Variants in DIP2B observed in about 807,000 individuals in gnomAD.
The protein encoded by DIP2B is DIP2 acetate--CoA ligase B (putative).
In DIP2B, 76 loss-of-function variants were observed where a neutral mutation model predicts 198.0. The ratio of observed to expected loss-of-function variants is 0.38; its 90% confidence interval spans 0.32 to 0.46. DIP2B has a LOEUF of 0.46. Ranked by LOEUF, DIP2B falls within the 20% of genes least tolerant of loss-of-function variation. DIP2B has a pLI of 0.99. For synonymous variants in DIP2B, 701 were observed against 739.1 expected (o/e 0.95, Z 0.84); for missense variants, 1,559 against 1,978.4 (o/e 0.79, Z 4.02).
At chr12:50,568,729 G>A (rs1041348176) in intron 1 of DIP2B, among the ~76,000 whole-genome samples, 12 of 152,140 alleles carry the variant, frequency 7.9e-5, no homozygotes, top group Non-Finnish European at 2.9e-5. Flanking sequence ...TGAGAGTGTT[G>A]TAATCTGGGA....
intron 1 of DIP2B, among the ~76,000 whole-genome samples, chr12:50,588,201 G>T (rs900294878): frequency 5.9e-5 from 9 of 151,718 alleles, no homozygotes; most frequent in Non-Finnish European, 1.0e-4. Context: ...GCCCAGGGTG[G>T]AGTGCAGTGG....
At chr12:50,616,713 T>G (rs1937706797) in intron 1 of DIP2B, among the ~76,000 whole-genome samples, 1 of 152,228 alleles carries the variant, frequency 6.6e-6, no homozygotes, top group Non-Finnish European at 1.5e-5. Context: ...ATTTTGTATG[T>G]TTGTGAGCCT....
chr12:50,505,273 GC>G, intron 1 of DIP2B, 33 bp downstream of exon 1: 2 of 1,441,644 alleles, frequency 1.4e-6, no homozygotes, highest in Non-Finnish European at 1.8e-6. Context: ...GGCGCCCGGG[GC>G]CCTGCGGATC....
chr12:50,509,587 C>T (rs1957996736), intron 1 of DIP2B, among the ~76,000 whole-genome samples: 1 of 152,198 alleles, frequency 6.6e-6, no homozygotes, highest in Non-Finnish European at 1.5e-5. Flanking sequence ...TAAAGCATGG[C>T]ACAGGGTCTG....
intron 1 of DIP2B, among the ~76,000 whole-genome samples, chr12:50,509,316 A>G (rs1361719259): frequency 6.6e-6 from 1 of 152,222 alleles, no homozygotes; most frequent in East Asian, 1.9e-4. Flanking sequence ...AGAGCGGGCT[A>G]TAATTTAGCC....
At chr12:50,633,807 G>C (rs1020238998) in intron 2 of DIP2B, among the ~76,000 whole-genome samples, 1 of 152,130 alleles carries the variant, frequency 6.6e-6, no homozygotes, top group South Asian at 2.1e-4. Flanking sequence ...GCATCATAGG[G>C]ATTAGGTTCT....
At chr12:50,714,350 T>A in intron 22 of DIP2B, 45 bp from the exon 23 acceptor site, 2 of 1,607,576 alleles carry the variant, frequency 1.2e-6, no homozygotes, top group Non-Finnish European at 1.7e-6. Context: ...ATGTCAAATG[T>A]AATAGAAGTG....
At chr12:50,554,139 A>G (rs758293111) in intron 1 of DIP2B, among the ~76,000 whole-genome samples, 4 of 151,960 alleles carry the variant, frequency 2.6e-5, no homozygotes, top group Non-Finnish European at 5.9e-5. Context: ...TTACTTCCTT[A>G]ACTGATTCTT....
At chr12:50,571,676 C>G (rs1441314138) in intron 1 of DIP2B, among the ~76,000 whole-genome samples, 1 of 151,060 alleles carries the variant, frequency 6.6e-6, no homozygotes, top group Admixed American at 6.6e-5. Flanking sequence ...TCTCAGCCTC[C>G]CAAGTAACTG....
At chr12:50,612,047 T>C (rs944199598) in intron 1 of DIP2B, among the ~76,000 whole-genome samples, 6 of 145,802 alleles carry the variant, frequency 4.1e-5, no homozygotes. Context: ...CCAGGGGAGG[T>C]GGCTCACATG....
intron 1 of DIP2B, among the ~76,000 whole-genome samples, chr12:50,509,023 T>C (rs1282591952): frequency 2.0e-5 from 3 of 152,186 alleles, no homozygotes; most frequent in Admixed American, 2.0e-4. Context: ...TACCACAGTG[T>C]TGATTCTCTC....
intron 1 of DIP2B, among the ~76,000 whole-genome samples, chr12:50,606,571 A>G (rs766319399): frequency 1.3e-5 from 2 of 152,194 alleles, no homozygotes; most frequent in Non-Finnish European, 2.9e-5. Flanking sequence ...CTCACCTTCA[A>G]AGGAGGTGGT....
chr12:50,701,954 A>G (rs1939424999), intron 19 of DIP2B, among the ~76,000 whole-genome samples: 1 of 152,116 alleles, frequency 6.6e-6, no homozygotes, highest in African/African-American at 2.4e-5. Flanking sequence ...TTTATATAAA[A>G]AATAAATTTT....
intron 1 of DIP2B, among the ~76,000 whole-genome samples, chr12:50,572,791 T>C (rs1186223782): frequency 6.6e-6 from 1 of 152,328 alleles, no homozygotes; most frequent in South Asian, 2.1e-4. Context: ...AACATTTTGG[T>C]GTCTCAGTGC....
intron 1 of DIP2B, among the ~76,000 whole-genome samples, chr12:50,521,804 C>G (rs1412707511): frequency 6.6e-6 from 1 of 151,860 alleles, no homozygotes; most frequent in Non-Finnish European, 1.5e-5. Flanking sequence ...GTCACTGTGC[C>G]TGGCTTAATT....
chr12:50,639,666 G>A (rs1236008178), intron 2 of DIP2B, among the ~76,000 whole-genome samples: 2 of 151,516 alleles, frequency 1.3e-5, no homozygotes, highest in Non-Finnish European at 2.9e-5. Flanking sequence ...CATTTGCTGT[G>A]TAGGTGACAT....
At chr12:50,556,609 A>G (rs1304594412) in intron 1 of DIP2B, among the ~76,000 whole-genome samples, 4 of 149,428 alleles carry the variant, frequency 2.7e-5, no homozygotes, top group African/African-American at 4.9e-5. Context: ...GCTGGAGTGC[A>G]GTGGCTCACT....
At chr12:50,561,184 GAATATTTA>G (rs1430687197) in intron 1 of DIP2B, among the ~76,000 whole-genome samples, 1 of 152,142 alleles carries the variant, frequency 6.6e-6, no homozygotes, top group Non-Finnish European at 1.5e-5. Context: ...AGCCAAGGGT[GAATATTTA>G]AGTTTTATTT....
rs753302375 is a variant in DIP2B at position 50,721,284 on chromosome 12, A to G, written c.3054A>G (p.Val1018=). 7 of 1,613,956 alleles carry G rather than the reference A, an allele frequency of 4.3e-6. No individual in the cohort carries two copies. Among genetic ancestry groups the G allele is most frequent in the Non-Finnish European group, 5.9e-6 (7 of 1,179,968 alleles). Residue 1018 remains valine (V), a synonymous_variant, in exon 26 of 38, where the codon GTA becomes GTG. Transcript: ENST00000301180. ...FMLLNAKGTT[V]CTASCLQLHK... ...TCTGTTGTTTAAAGGGAACCACTGT[A>G]TGCACAGCCAGCTGCCTTCAGCTTC...
Sources: gnomAD v4.1 joint callset for allele counts (sites outside exome capture counted in the v4.1 genomes callset) on GRCh38, gnomAD v4.1.1 for gene constraint, MANE v1.5 for transcripts, NCBI Gene and HGNC (gene_info 2026-07-23, HGNC 2026-07-21) for gene names.